C12orf43: variants seen among roughly 807,000 people sequenced by gnomAD.
C12orf43 encodes protein CUSTOS.
C12orf43 carries 15 observed loss-of-function variants against 20.6 expected under a neutral mutation model. That is an observed-to-expected ratio of 0.73 (90% CI 0.49 to 1.12). C12orf43 has a LOEUF of 1.12. C12orf43 is among the 50% of genes most tolerant of loss of function. The probability of loss-of-function intolerance (pLI) is 0.00; values close to 1 mark genes in which losing one functional copy is unlikely to be tolerated. For synonymous variants in C12orf43, 144 were observed against 130.8 expected (o/e 1.10, Z -0.69); for missense variants, 334 against 344.4 (o/e 0.97, Z 0.24).
intron 3 of C12orf43, 164 bp from the exon 4 acceptor site, chr12:121,006,558 A>G: frequency 3.2e-6 from 2 of 633,458 alleles, no homozygotes; most frequent in Non-Finnish European, 5.6e-6. Flanking sequence ...CATGCTGACC[A>G]GCCTCTGCCA....
Position 121,003,889 on chromosome 12 carries a change from T to C in C12orf43, c.*264A>G. 1.8e-6 allele frequency: 1 copy of C among 554,714 alleles called. No individual in the cohort carries two copies. The highest frequency in any genetic ancestry group is 3.2e-6 in the Non-Finnish European group (1 of 310,084). 34.4% of individuals were successfully genotyped at this position (554,714 alleles called of 1,614,324 possible). A position where few individuals can be genotyped will look rare whatever the true frequency, so the allele number is the denominator to read the frequency against. On this transcript the variant is annotated 3_prime_UTR_variant, in exon 6 of 6. Coordinates refer to ENST00000288757, the MANE Select transcript of C12orf43 (RefSeq NM_022895.3). Reference sequence around the variant, plus strand: ...TTCCTTTTTTCCTGAGGTCATGAAATGTTCTGGAACCACAGCGCCCCCGCC... The same window carrying C: ...TTCCTTTTTTCCTGAGGTCATGAAACGTTCTGGAACCACAGCGCCCCCGCC...
chr12:121,004,191 G>A lies in C12orf43; in HGVS notation c.751C>T (p.Pro251Ser), dbSNP rs1877771617. Residue 251 changes from proline (P) to serine (S), a missense_variant, in exon 6 of 6, where the codon CCA (proline) becomes TCA (serine). Pro to Ser is a moderately conservative substitution (Grantham distance 74, BLOSUM62 -1). Transcript: ENST00000288757. The surrounding 1 kb of genome is among the most constrained non-coding windows in gnomAD (Gnocchi z 5.6). ...ATAGCTGTAGCACTCTTTGCTGGTGGGAATGGAGAGGTCTCGCTGGCCTTC... is the reference window on the plus strand; with the variant it reads ...ATAGCTGTAGCACTCTTTGCTGGTGAGAATGGAGAGGTCTCGCTGGCCTTC... ...AKKASETSPF[P>S]PAKSATAIPA... 4 of 1,614,178 alleles carry A rather than the reference G, an allele frequency of 2.5e-6. No homozygotes were observed. The highest frequency in any genetic ancestry group is 3.4e-6 in the Non-Finnish European group (4 of 1,180,026).
intron 3 of C12orf43, 88 bp downstream of exon 3, chr12:121,010,740 G>T: frequency 9.4e-7 from 1 of 1,059,652 alleles, no homozygotes; most frequent in Non-Finnish European, 1.3e-6. Context: ...CACCGTGCCA[G>T]CCTGGACACC....
rs1260001032 is a variant in C12orf43, at chr12:121,002,006, C to G, written c.*2147G>C. ...GAAGTCGTCCTTACTCCTGTGGGAG[C>G]CTCGCAACCCGTGCCAAGTCCAGGT... On this transcript the variant is annotated 3_prime_UTR_variant, in exon 6 of 6. Coordinates refer to ENST00000288757, the MANE Select transcript of C12orf43 (RefSeq NM_022895.3). The G allele has an allele frequency of 1.5e-5, 8 of 536,472 alleles. No individual in the cohort carries two copies. The highest frequency in any genetic ancestry group is 3.7e-5 in the African/African-American group (2 of 53,800). The allele number at this position is 536,472 out of a possible 1,614,324, so 33.2% of individuals were successfully genotyped here.
At chr12:121,012,849 TAAAAAAAAAAAAA>T (rs10636003) in intron 1 of C12orf43, among the ~76,000 whole-genome samples, 97 of 91,940 alleles carry the variant, frequency 1.1e-3, no homozygotes, top group Middle Eastern at 4.4e-3. Flanking sequence ...AGACTCCGTC[TAAAAAAAAAAAAA>T]AAAAAAAAAA....
chr12:121,007,934 C>T (rs1396950261), intron 3 of C12orf43, among the ~76,000 whole-genome samples: 1 of 151,764 alleles, frequency 6.6e-6, no homozygotes, highest in Non-Finnish European at 1.5e-5. Flanking sequence ...TTGGCAATGT[C>T]TGGAGACATT....
intron 2 of C12orf43, 21 bp from the exon 3 acceptor site, chr12:121,010,947 C>A (rs567366188): frequency 1.9e-6 from 3 of 1,613,458 alleles, no homozygotes; most frequent in Non-Finnish European, 2.5e-6. Flanking sequence ...CACAAAGAGA[C>A]CTCACTTCCT....
At chr12:121,012,258 G>C (rs1316461301) in intron 1 of C12orf43, among the ~76,000 whole-genome samples, 2 of 152,184 alleles carry the variant, frequency 1.3e-5, no homozygotes, top group Non-Finnish European at 2.9e-5. Context: ...TGTGTGTTTA[G>C]AACCAGCAAG....
intron 1 of C12orf43, among the ~76,000 whole-genome samples, chr12:121,016,100 G>A (rs1371024361): frequency 1.3e-5 from 2 of 152,186 alleles, no homozygotes; most frequent in Non-Finnish European, 2.9e-5. Context: ...ATAGACCCAA[G>A]GAGGCAGAAT....
chr12:121,016,346 T>C lies in C12orf43; in HGVS notation c.129A>G (p.Ala43=). ...AWGLEQRPHV[A]GKPRAGAANS... ...GTACCCTACCGGCTCTTGGCTTCCCTGCCACGTGCGGGCGTTGCTCCAAGC... is the reference window on the plus strand; with the variant it reads ...GTACCCTACCGGCTCTTGGCTTCCCCGCCACGTGCGGGCGTTGCTCCAAGC... Residue 43 remains alanine, a synonymous_variant, in exon 1 of 6, where the codon GCA becomes GCG. Transcript: ENST00000288757. 3 of 1,613,790 alleles carry C rather than the reference T, an allele frequency of 1.9e-6. No individual in the cohort carries two copies. Among genetic ancestry groups the C allele is most frequent in the Non-Finnish European group, 2.5e-6 (3 of 1,180,032 alleles).
At chr12:121,011,174 T>C (rs959153876) in intron 1 of C12orf43, 28 bp from the exon 2 acceptor site, 7 of 1,608,514 alleles carry the variant, frequency 4.4e-6, no homozygotes, top group Non-Finnish European at 6.0e-6. Context: ...TTAGGGCATT[T>C]ATAGAGGAAA....
intron 4 of C12orf43, 144 bp downstream of exon 4, chr12:121,006,177 C>A: frequency 1.4e-6 from 1 of 693,182 alleles, no homozygotes. Context: ...AATTGCTCCA[C>A]TGCACTCCAG....
At chr12:121,016,192 T>G in intron 1 of C12orf43, 138 bp downstream of exon 1, 2 of 1,322,792 alleles carry the variant, frequency 1.5e-6, no homozygotes, top group Non-Finnish European at 2.1e-6. Flanking sequence ...GCTTTCAATC[T>G]GCACTACACC....
intron 1 of C12orf43, 144 bp from the exon 2 acceptor site, chr12:121,011,290 T>C: frequency 2.3e-6 from 1 of 439,122 alleles, no homozygotes; most frequent in Non-Finnish European, 3.9e-6. Flanking sequence ...ATTATATTTA[T>C]ATATAACTTA....
rs376451292 is a variant in C12orf43 at position 121,016,442 on chromosome 12, C to T, written c.33G>A (p.Ser11=). Residue 11 remains serine, a synonymous_variant, in exon 1 of 6, where the codon TCG becomes TCA. Coordinates refer to ENST00000288757, the MANE Select transcript of C12orf43 (RefSeq NM_022895.3). ...CATCGCTACTGCTGTTACTACTTTC[C>T]GAATCGCTCACTGTGCCACTGGGCG... MAAPSGTVSD[S]ESSNSSSDAE... is the part of the protein sequence containing the mutation. The T allele has an allele frequency of 2.5e-6, 4 of 1,613,976 alleles. No homozygotes were observed. Among genetic ancestry groups the T allele is most frequent in the African/African-American group, 2.7e-5 (2 of 74,954 alleles).
intron 1 of C12orf43, among the ~76,000 whole-genome samples, chr12:121,015,789 G>A (rs1185255737): frequency 6.6e-6 from 1 of 152,254 alleles, no homozygotes; most frequent in Non-Finnish European, 1.5e-5. Context: ...GACGGAAAGA[G>A]ATGCTAAAAT....
chr12:121,013,530 G>A (rs1868596408), intron 1 of C12orf43, among the ~76,000 whole-genome samples: 1 of 152,146 alleles, frequency 6.6e-6, no homozygotes, highest in African/African-American at 2.4e-5. Context: ...ACTTGAATAC[G>A]TGGTCTGCCT....
chr12:121,001,862 G>A lies in C12orf43; in HGVS notation c.*2291C>T. 1.9e-6 allele frequency: 1 copy of A among 522,156 alleles called. No homozygotes were observed. The highest frequency in any genetic ancestry group is 3.7e-6 in the Non-Finnish European group (1 of 269,096). 32.3% of individuals were successfully genotyped at this position (522,156 alleles called of 1,614,324 possible). ...GGGCTCTCCTGGCTTCCCATCCCCA[G>A]CGATTCCCTCTCCCAGGCCCCATGA... On this transcript the variant is annotated 3_prime_UTR_variant, in exon 6 of 6. Transcript: ENST00000288757.
At chr12:121,013,002 C>T (rs528074217) in intron 1 of C12orf43, among the ~76,000 whole-genome samples, 5 of 152,066 alleles carry the variant, frequency 3.3e-5, no homozygotes, top group Non-Finnish European at 7.4e-5. Flanking sequence ...GCCAACTGAA[C>T]AAAGTGGACA....
Sources: allele counts gnomAD v4.1 joint callset (sites outside exome capture counted in the v4.1 genomes callset), GRCh38; gene constraint gnomAD v4.1.1; non-coding constraint Gnocchi (gnomAD v3.1); transcripts MANE v1.5; gene names NCBI Gene and HGNC (gene_info 2026-07-23, HGNC 2026-07-21).